The following RECQL5 variants were observed in gnomAD, a reference collection of about 807,000 sequenced individuals.
The protein encoded by RECQL5 is RecQ like helicase 5.
RECQL5 carries 88 observed loss-of-function variants against 103.4 expected under a neutral mutation model. The ratio of observed to expected loss-of-function variants is 0.85; its 90% CI spans 0.72 to 1.02. RECQL5 has a LOEUF of 1.02. Ranked by LOEUF, RECQL5 falls within the 50% of genes least tolerant of loss-of-function variation. The pLI is 0.00. For synonymous variants in RECQL5, 552 were observed against 507.9 expected, an observed-to-expected ratio of 1.09 and a Z score of -1.17; for missense variants, 1,232 against 1,284.3, an observed-to-expected ratio of 0.96 and a Z score of 0.62.
intron 3 of RECQL5, 28 bp downstream of exon 3, chr17:75,665,023 C>T: frequency 3.3e-6 from 5 of 1,517,344 alleles, no homozygotes; most frequent in Non-Finnish European, 4.4e-6. Flanking sequence ...TCTTTTTGGG[C>T]TACCATCTTC....
intron 9 of RECQL5, 87 bp from the exon 10 acceptor site, chr17:75,631,336 T>A: frequency 6.5e-7 from 1 of 1,534,806 alleles, no homozygotes; most frequent in Non-Finnish European, 9.0e-7. Flanking sequence ...GTCCCTGATG[T>A]CCTACCAGCT....
At chr17:75,658,920 G>A (rs543931743) in intron 6 of RECQL5, among the ~76,000 whole-genome samples, 1 of 152,186 alleles carries the variant, frequency 6.6e-6, no homozygotes, top group Non-Finnish European at 1.5e-5. Context: ...CAGAATATGA[G>A]ATTCAGAAAG....
chr17:75,658,188 G>A, intron 7 of RECQL5, 110 bp downstream of exon 7: 7 of 1,212,436 alleles, frequency 5.8e-6, no homozygotes, highest in Middle Eastern at 2.1e-4. Context: ...TTACAGGTTG[G>A]GAGCAGCCTC....
rs1008922429 is a variant in RECQL5, at chr17:75,649,939, G to C, written c.1229+1247C>G. On this transcript the variant is annotated intron_variant, in intron 8 of 19. Coordinates refer to ENST00000317905, the MANE Select transcript of RECQL5 (RefSeq NM_004259.7). ...AGGAGAAATGAAGGCAGAGGCCCTT[G>C]GGAGGACCTGTTCCCTTGCCTGGCA... 8 of 985,478 alleles carry C rather than the reference G, an allele frequency of 8.1e-6. No homozygotes were observed. In the African/African-American group the frequency reaches 1.4e-4, roughly 17 times the overall value. 61.0% of individuals were successfully genotyped at this position (985,478 alleles called of 1,614,324 possible).
At chr17:75,654,853 T>A (rs981470582) in intron 7 of RECQL5, among the ~76,000 whole-genome samples, 1 of 152,146 alleles carries the variant, frequency 6.6e-6, no homozygotes, top group African/African-American at 2.4e-5. Flanking sequence ...AGTGCAATGG[T>A]ATGATCTCAG....
In RECQL5 at chr17:75,642,211, T is replaced by C. The variant is rs78522180; in HGVS notation, c.1229+8975A>G. 9.6e-3 allele frequency among the ~76,000 whole-genome samples: 1,458 copies of C among 152,266 alleles called. 15 individuals carry two copies. Among genetic ancestry groups the C allele is most frequent in the Admixed American group, 0.018 (270 of 15,298 alleles). On this transcript the variant is annotated intron_variant, in intron 8 of 19. Coordinates refer to ENST00000317905, the MANE Select transcript of RECQL5 (RefSeq NM_004259.7). ...CAGGAGTGAGGGGAGGGGAGGCACATGGCTCCAGAAATGCCAATGGGTCCA... is the reference window on the plus strand; with the variant it reads ...CAGGAGTGAGGGGAGGGGAGGCACACGGCTCCAGAAATGCCAATGGGTCCA...
In RECQL5 at chr17:75,631,143, C is replaced by G; in HGVS notation, c.1548+7G>C. On this transcript the variant is annotated splice_region_variant and intron_variant, in intron 10 of 19. Coordinates refer to ENST00000317905, the MANE Select transcript of RECQL5 (RefSeq NM_004259.7). ...CCCCACACAGGCCACTGAGTGCCTC[C>G]CCTCACCTTGCGCAGCTGCATCTGC... is the stretch of plus-strand genomic sequence containing the variant. 2 of 1,613,478 alleles carry G rather than the reference C, an allele frequency of 1.2e-6. No homozygotes were observed. The highest frequency in any genetic ancestry group is 1.7e-6 in the Non-Finnish European group (2 of 1,179,722).
rs1248952256 is a variant in RECQL5, at chr17:75,661,623, G to A, written c.857C>T (p.Ala286Val). The A allele has an allele frequency of 6.2e-7, 1 of 1,614,040 alleles. No individual in the cohort carries two copies. The highest frequency in any genetic ancestry group is 1.7e-4 in the Middle Eastern group (1 of 6,044). Residue 286 changes from alanine (A) to valine (V), a missense_variant, in exon 5 of 20, where the codon GCC becomes GTC. Transcript: ENST00000317905. ...AIELSCRGVN[A>V]KAYHAGLKAS... Reference sequence around the variant, plus strand: ...CCCCTTACCTGCATGGTAAGCCTTGGCGTTCACACCCCTGCAGCTGAGCTC... The same window carrying A: ...CCCCTTACCTGCATGGTAAGCCTTGACGTTCACACCCCTGCAGCTGAGCTC...
At chr17:75,645,153 G>A (rs1168189058) in intron 8 of RECQL5, among the ~76,000 whole-genome samples, 3 of 152,192 alleles carry the variant, frequency 2.0e-5, no homozygotes, top group African/African-American at 7.2e-5. Flanking sequence ...GAACTTAAAG[G>A]CAAAGGAAGC....
Position 75,640,094 on chromosome 17 carries a change from G to A in RECQL5, c.1230-8426C>T. On this transcript the variant is annotated intron_variant, in intron 8 of 19. Coordinates refer to ENST00000317905, the MANE Select transcript of RECQL5 (RefSeq NM_004259.7). The surrounding 1 kb of genome is among the most constrained non-coding windows in gnomAD (Gnocchi z 4.6). ...TCTGCGGGCTGCGGATGGGTGCGAGGGTGGAATCTCGGTGCTGCGACGAGT... is the reference window on the plus strand; with the variant it reads ...TCTGCGGGCTGCGGATGGGTGCGAGAGTGGAATCTCGGTGCTGCGACGAGT... 7.1e-7 allele frequency: 1 copy of A among 1,410,954 alleles called. No individual in the cohort carries two copies. Among genetic ancestry groups the A allele is most frequent in the Non-Finnish European group, 9.3e-7 (1 of 1,074,140 alleles). The allele number at this position is 1,410,954 out of a possible 1,614,324, so 87.4% of individuals were successfully genotyped here. A position where few individuals can be genotyped will look rare whatever the true frequency, so the allele number is the denominator to read the frequency against.
At chr17:75,652,235 T>C (rs2059564721) in intron 7 of RECQL5, among the ~76,000 whole-genome samples, 1 of 151,272 alleles carries the variant, frequency 6.6e-6, no homozygotes, top group Admixed American at 6.6e-5. Flanking sequence ...TCAAATAAAA[T>C]AATAAAATAA....
rs766126827 is a variant in RECQL5 at position 75,651,269 on chromosome 17, G to A, written c.1150-4C>T. On this transcript the variant is annotated splice_region_variant and splice_polypyrimidine_tract_variant and intron_variant, in intron 7 of 19. Transcript: ENST00000317905. ...ATGCTTTGTTTCCTCTCTTTTCCTG[G>A]GGACAAAAAATGACCACTTAGCAAG... 1 of 1,613,782 alleles carries A rather than the reference G, an allele frequency of 6.2e-7. No homozygotes were observed. Among genetic ancestry groups the A allele is most frequent in the Non-Finnish European group, 8.5e-7 (1 of 1,179,902 alleles).
chr17:75,633,691 GA>G, intron 8 of RECQL5: 1 of 1,142,158 alleles, frequency 8.8e-7, no homozygotes, highest in Non-Finnish European at 1.1e-6. Flanking sequence ...CAGAGGGACA[GA>G]AGGGGTGGCC....
rs2059194565 is a variant in RECQL5, at chr17:75,630,794, G to A, written c.1629C>T (p.Pro543=). Residue 543 remains proline (P), a synonymous_variant, in exon 12 of 20, where the codon CCC becomes CCT. Transcript: ENST00000317905. ...PLKEASSRRI[P]RLTVKAREHC... is the part of the protein sequence containing the mutation. ...CGTCTCTTACCTTCACAGTCAGCCT[G>A]GGGATCCTCCTGCTAGAAGCCTCTT... The A allele has an allele frequency of 5.2e-6, 8 of 1,546,774 alleles. No individual in the cohort carries two copies. Among genetic ancestry groups the A allele is most frequent in the Non-Finnish European group, 7.0e-6 (8 of 1,144,138 alleles).
At position 75,627,748 on chromosome 17, in the gene RECQL5, A is replaced by G. The variant is rs145267371; in HGVS notation, c.2806-56T>C. ...AGCAGGACCCTTGGTGGCCGGGCGC[A>G]GTGGCTCACGCCTGTAATCCCAGCA... On this transcript the variant is annotated intron_variant, in intron 18 of 19. Transcript: ENST00000317905. 2,887 of 1,493,774 alleles carry G rather than the reference A, an allele frequency of 1.9e-3. 47 individuals carry two copies. The African/African-American group carries it at 0.034, about 17-fold the overall frequency. The allele number at this position is 1,493,774 out of a possible 1,614,324, so 92.5% of individuals were successfully genotyped here.
At chr17:75,647,549 C>A (rs781397437) in intron 8 of RECQL5, 1 of 1,550,040 alleles carries the variant, frequency 6.5e-7, no homozygotes, top group East Asian at 2.4e-5. Context: ...CAGTGTGAAG[C>A]GGGTGAAGAG....
chr17:75,658,421 C>T lies in RECQL5; in HGVS notation c.1026G>A (p.Gly342=). 6.2e-7 allele frequency: 1 copy of T among 1,614,012 alleles called. No homozygotes were observed. The highest frequency in any genetic ancestry group is 8.5e-7 in the Non-Finnish European group (1 of 1,179,930). Residue 342 remains glycine (G), a synonymous_variant, in exon 7 of 20, where the codon GGG becomes GGA. Transcript: ENST00000317905. The part of the protein sequence containing the change: ...AHWNIAKSMA[G]YYQESGRAGR... Reference sequence around the variant, plus strand: ...CAGCCCGGCCAGACTCCTGGTAGTACCCAGCCATAGACTTGGCAATATTCC... The same window carrying T: ...CAGCCCGGCCAGACTCCTGGTAGTATCCAGCCATAGACTTGGCAATATTCC...
intron 8 of RECQL5, among the ~76,000 whole-genome samples, chr17:75,643,937 C>T (rs541265993): frequency 2.6e-5 from 4 of 152,344 alleles, no homozygotes; most frequent in African/African-American, 7.2e-5. Context: ...AGGCTGCTCT[C>T]GGCTCCTCAA....
In RECQL5 at chr17:75,658,362, TAG is replaced by T. The variant is rs1439659898; in HGVS notation, c.1083_1084del (p.Tyr362LeufsTer5). 1 of 1,613,850 alleles carries T rather than the reference TAG, an allele frequency of 6.2e-7. No homozygotes were observed. The highest frequency in any genetic ancestry group is 8.5e-7 in the Non-Finnish European group (1 of 1,179,966). ...TTGGTCCCGGTCATTCCTGGAGTAA[TAG>T]AGACGGCACCAGGAAGGCTTCCCAT... On this transcript the variant is annotated frameshift_variant, in exon 7 of 20. Transcript: ENST00000317905. LOFTEE classifies it high-confidence loss of function.
Sources: allele counts gnomAD v4.1 joint callset (sites outside exome capture counted in the v4.1 genomes callset), GRCh38; gene constraint gnomAD v4.1.1; non-coding constraint Gnocchi (gnomAD v3.1); transcripts MANE v1.5; gene names NCBI Gene and HGNC (gene_info 2026-07-23, HGNC 2026-07-21).